RALYL: variants seen among roughly 807,000 people sequenced by gnomAD.
RALYL encodes the protein RNA-binding Raly-like protein.
In RALYL, 29 loss-of-function variants were observed where a neutral mutation model predicts 35.1. The ratio of observed to expected loss-of-function variants is 0.83; its 90% CI spans 0.61 to 1.13. The LOEUF (loss-of-function observed/expected upper bound fraction) is 1.13, where lower values mean the gene tolerates loss of function less well. Among genes scored for constraint, RALYL ranks in the 50% most tolerant of loss-of-function variants. The pLI is 0.00. For synonymous variants in RALYL, 120 were observed against 127.6 expected, an observed-to-expected ratio of 0.94 and a Z score of 0.40; for missense variants, 359 against 360.4, an observed-to-expected ratio of 1.00 and a Z score of 0.03.
At chr8:84,779,917 G>A (rs1366767356) in intron 3 of RALYL, among the ~76,000 whole-genome samples, 1 of 152,272 alleles carries the variant, frequency 6.6e-6, no homozygotes. Flanking sequence ...AGTAATGTAA[G>A]CTAATTTCAG....
chr8:84,843,027 A>C (rs1833782697), intron 4 of RALYL, among the ~76,000 whole-genome samples: 1 of 152,210 alleles, frequency 6.6e-6, no homozygotes, highest in African/African-American at 2.4e-5. Context: ...AATGGGCAAA[A>C]ACTGGAAGCA....
chr8:84,214,855 A>G (rs1820393196), intron 1 of RALYL, among the ~76,000 whole-genome samples: 1 of 150,998 alleles, frequency 6.6e-6, no homozygotes, highest in African/African-American at 2.4e-5. Context: ...TGTGTGTTAC[A>G]TTTTGTATCA....
chr8:84,839,513 G>T (rs927243101), intron 4 of RALYL, among the ~76,000 whole-genome samples: 1 of 152,236 alleles, frequency 6.6e-6, no homozygotes, highest in African/African-American at 2.4e-5. Flanking sequence ...AAGGAGGCCT[G>T]CCTGCCTCTG....
At chr8:84,198,905 A>G (rs1010159737) in intron 1 of RALYL, among the ~76,000 whole-genome samples, 7 of 152,180 alleles carry the variant, frequency 4.6e-5, no homozygotes, top group African/African-American at 1.7e-4. Flanking sequence ...CTGTTGATGG[A>G]CACTTTGGTT....
chr8:84,439,615 G>A (rs748811934), intron 1 of RALYL, among the ~76,000 whole-genome samples: 1 of 151,986 alleles, frequency 6.6e-6, no homozygotes, highest in Non-Finnish European at 1.5e-5. Flanking sequence ...CTGCGTCATG[G>A]AGATTAGCTT....
intron 1 of RALYL, among the ~76,000 whole-genome samples, chr8:84,440,333 ACAAAATGGTGAAGTGATTAACAG>A (rs1200096691): frequency 6.6e-6 from 1 of 152,058 alleles, no homozygotes; most frequent in Middle Eastern, 3.2e-3. Flanking sequence ...TTTGTGAGAG[ACAAAATGGTGAAGTGATTAACAG>A]CAAGGGGCTA....
intron 1 of RALYL, among the ~76,000 whole-genome samples, chr8:84,274,975 G>A (rs748466912): frequency 6.6e-6 from 1 of 152,108 alleles, no homozygotes; most frequent in Non-Finnish European, 1.5e-5. Context: ...AATCAGCTGA[G>A]GCCAGAGAGT....
chr8:84,454,791 T>C (rs2049948138), intron 1 of RALYL, among the ~76,000 whole-genome samples: 1 of 152,082 alleles, frequency 6.6e-6, no homozygotes, highest in South Asian at 2.1e-4. Flanking sequence ...AAACAATGTC[T>C]CACTCATTTC....
intron 2 of RALYL, among the ~76,000 whole-genome samples, chr8:84,770,221 A>G (rs1815096895): frequency 1.3e-5 from 2 of 151,910 alleles, no homozygotes; most frequent in Non-Finnish European, 2.9e-5. Context: ...CCGAGTCCCC[A>G]AAGTCCATTG....
intron 1 of RALYL, among the ~76,000 whole-genome samples, chr8:84,461,383 T>C (rs941488446): frequency 2.6e-4 from 39 of 151,736 alleles, no homozygotes; most frequent in African/African-American, 9.4e-4. Flanking sequence ...ACAAATCTAA[T>C]GAAGGGTAAT....
intron 7 of RALYL, among the ~76,000 whole-genome samples, chr8:84,873,866 C>A (rs933602263): frequency 1.3e-5 from 2 of 152,164 alleles, no homozygotes; most frequent in African/African-American, 4.8e-5. Context: ...TCAGGAACAT[C>A]AAGACTAAGA....
chr8:84,452,224 T>G (rs1334335355), intron 1 of RALYL, among the ~76,000 whole-genome samples: 6 of 143,790 alleles, frequency 4.2e-5, no homozygotes, highest in African/African-American at 1.5e-4. Flanking sequence ...TGGTTTGTTG[T>G]TGATACTACT....
At chr8:84,908,020 C>T (rs1340247219) in intron 8 of RALYL, among the ~76,000 whole-genome samples, 1 of 152,032 alleles carries the variant, frequency 6.6e-6, no homozygotes, top group Non-Finnish European at 1.5e-5. Context: ...TTAATGCAAT[C>T]CAAAGAACTG....
chr8:84,653,976 G>T (rs780670926), intron 2 of RALYL, among the ~76,000 whole-genome samples: 24 of 151,070 alleles, frequency 1.6e-4, no homozygotes, highest in Admixed American at 8.6e-4. Flanking sequence ...GCTCTGAAAG[G>T]TAAGCCCATT....
In RALYL at chr8:84,456,616, T is replaced by G. The variant is rs1247231580; in HGVS notation, c.-23-72683T>G. ...GTATTTATTAACCTCTCTCTAGTCA[T>G]TAATTCAACAGATAATCATTGCGTT... On this transcript the variant is annotated intron_variant, in intron 1 of 8. Transcript: ENST00000521268. Among the ~76,000 whole-genome samples the G allele has an allele frequency of 5.9e-5, 9 of 152,036 alleles. No homozygotes were observed. In the East Asian group the frequency reaches 1.7e-3, roughly 29 times the overall value.
chr8:84,752,696 C>T (rs554127610), intron 2 of RALYL, among the ~76,000 whole-genome samples: 25 of 152,262 alleles, frequency 1.6e-4, no homozygotes, highest in African/African-American at 5.8e-4. Context: ...TGAAAGGGTC[C>T]CAGGTACAGC....
At position 84,619,494 on chromosome 8, in the gene RALYL, C is replaced by T. The variant is rs1168500716; in HGVS notation, c.256+89917C>T. On this transcript the variant is annotated intron_variant, in intron 2 of 8. Transcript: ENST00000521268. ...TTTTGAGCCTATGTGTGTCTCTGCACGTGAGATGGGTTTCCTGAATACAGC... is the reference window on the plus strand; with the variant it reads ...TTTTGAGCCTATGTGTGTCTCTGCATGTGAGATGGGTTTCCTGAATACAGC... Among the ~76,000 whole-genome samples the T allele has an allele frequency of 3.5e-4, 51 of 146,152 alleles. 1 individual carries two copies. Among genetic ancestry groups the T allele is most frequent in the African/African-American group, 7.3e-4 (28 of 38,458 alleles).
At chr8:84,374,351 G>A (rs527673975) in intron 1 of RALYL, among the ~76,000 whole-genome samples, 1 of 151,920 alleles carries the variant, frequency 6.6e-6, no homozygotes, top group South Asian at 2.1e-4. Flanking sequence ...GTTTGTCATA[G>A]GTACCTCTTA....
intron 2 of RALYL, among the ~76,000 whole-genome samples, chr8:84,598,499 C>T (rs1448369224): frequency 6.6e-6 from 1 of 152,098 alleles, no homozygotes; most frequent in African/African-American, 2.4e-5. Context: ...GTGCTTGTGT[C>T]TAAACTGCAA....
Sources: allele counts gnomAD v4.1 joint callset (sites outside exome capture counted in the v4.1 genomes callset), GRCh38; gene constraint gnomAD v4.1.1; transcripts MANE v1.5; gene names NCBI Gene and HGNC (gene_info 2026-07-23, HGNC 2026-07-21).